The following POLR3A variants were observed in gnomAD, a reference collection of about 807,000 sequenced individuals.
POLR3A encodes DNA-directed RNA polymerase III subunit RPC1.
Under a neutral mutation model 152.8 loss-of-function variants are expected in POLR3A, and 112 were observed. The observed-to-expected ratio is 0.73, with a 90% CI of 0.63 to 0.86. The LOEUF is 0.86. Among genes scored for constraint, POLR3A ranks in the 40% least tolerant of loss-of-function variants. The probability of loss-of-function intolerance (pLI) is 0.00; values close to 1 mark genes in which losing one functional copy is unlikely to be tolerated. For missense variants in POLR3A, 1,385 were observed against 1,743.1 expected (o/e 0.79, Z 3.66); for synonymous variants, 615 against 652.1 (o/e 0.94, Z 0.87).
chr10:77,977,390 C>T lies in POLR3A; in HGVS notation c.*88G>A. 1 of 1,429,078 alleles carries T rather than the reference C, an allele frequency of 7.0e-7. No homozygotes were observed. The highest frequency in any genetic ancestry group is 9.9e-7 in the Non-Finnish European group (1 of 1,013,542). The allele number at this position is 1,429,078 out of a possible 1,614,324, so 88.5% of individuals were successfully genotyped here. A position where few individuals can be genotyped will look rare whatever the true frequency, so the allele number is the denominator to read the frequency against. ...TGGCATAGGTGGGGACCTCAGGACCCCCGTCCCAGGGAGCACAAAACTCTT... is the reference window on the plus strand; with the variant it reads ...TGGCATAGGTGGGGACCTCAGGACCTCCGTCCCAGGGAGCACAAAACTCTT... On this transcript the variant is annotated 3_prime_UTR_variant, in exon 31 of 31. Transcript: ENST00000372371.
In POLR3A at chr10:78,009,581, T is replaced by C. The variant is rs1212337953; in HGVS notation, c.1865A>G (p.Lys622Arg). The C allele has an allele frequency of 7.4e-6, 12 of 1,614,184 alleles. No homozygotes were observed. The highest frequency in any genetic ancestry group is 1.1e-5 in the South Asian group (1 of 91,088). ...ATCTTCCCCTTTGCCACAGTACTGCTTGCCCTTGGTTCGCAGGTTGGCCCT... is the reference window on the plus strand; with the variant it reads ...ATCTTCCCCTTTGCCACAGTACTGCCTGCCCTTGGTTCGCAGGTTGGCCCT... The part of the protein sequence containing the change: ...PVRANLRTKG[K>R]QYCGKGEDLC... Residue 622 changes from lysine (K) to arginine (R), a missense_variant, in exon 14 of 31, where the codon AAG (lysine) becomes AGG (arginine). By Grantham distance (26) the Lys-to-Arg change is conservative. Transcript: ENST00000372371.
intron 10 of POLR3A, among the ~76,000 whole-genome samples, chr10:78,015,453 A>C (rs1847513822): frequency 6.6e-6 from 1 of 150,566 alleles, no homozygotes. Flanking sequence ...TCAGCCTCCC[A>C]AGTAGCTGGG....
At chr10:78,026,527 G>A (rs963585964) in intron 1 of POLR3A, among the ~76,000 whole-genome samples, 1 of 152,172 alleles carries the variant, frequency 6.6e-6, no homozygotes, top group African/African-American at 2.4e-5. Flanking sequence ...AGCACTGGCA[G>A]CACCCTGCCC....
intron 15 of POLR3A, 61 bp from the exon 16 acceptor site, chr10:78,004,949 T>C (rs1847396578): frequency 7.8e-7 from 1 of 1,280,282 alleles, no homozygotes; most frequent in Non-Finnish European, 1.1e-6. Context: ...ACCTACTAAA[T>C]ACAGTTTATG....
intron 10 of POLR3A, among the ~76,000 whole-genome samples, chr10:78,016,029 G>C (rs1023860933): frequency 6.6e-6 from 1 of 152,116 alleles, no homozygotes; most frequent in African/African-American, 2.4e-5. Context: ...ACCATAAGAG[G>C]CTGCTTAAAC....
Position 78,013,747 on chromosome 10 carries a change from A to G in POLR3A, c.1475T>C (p.Val492Ala), listed in dbSNP as rs758434591. 25 of 1,614,154 alleles carry G rather than the reference A, an allele frequency of 1.5e-5. No homozygotes were observed. In the South Asian group the frequency reaches 2.3e-4, roughly 15 times the overall value. ...PHRTFRFNEC[V>A]CTPYNADFDG... ...AAAGTCAGCATTATAGGGTGTACAGACACACTCATTAAATCTGAAGGTCCG... is the reference window on the plus strand; with the variant it reads ...AAAGTCAGCATTATAGGGTGTACAGGCACACTCATTAAATCTGAAGGTCCG... The change falls in exon 11 of 31, where the codon GTC becomes GCC. Residue 492 changes from valine (V) to alanine (A), a missense_variant. Around this residue, in one of 7 missense-constraint regions of POLR3A, gnomAD observed 493 missense variants for 647.5 expected, o/e 0.76. Coordinates refer to ENST00000372371, the MANE Select transcript of POLR3A (RefSeq NM_007055.4).
intron 8 of POLR3A, 36 bp from the exon 9 acceptor site, chr10:78,019,301 G>C (rs1847555273): frequency 1.5e-6 from 2 of 1,299,526 alleles, no homozygotes; most frequent in South Asian, 2.4e-5. Context: ...GTTACTCCCA[G>C]GTAACTAGAA....
intron 23 of POLR3A, 104 bp downstream of exon 23, chr10:77,985,799 A>G: frequency 2.4e-6 from 2 of 843,128 alleles, no homozygotes; most frequent in Non-Finnish European, 4.1e-6. Context: ...AAATACTGGC[A>G]GTTAACAAGT....
Position 77,985,172 on chromosome 10 carries a change from G to A in POLR3A, c.3240C>T (p.Ile1080=). ...IKEIINASKA[I]STPIITAQLD... is the part of the protein sequence containing the mutation. ...AAGAAGGAAATGAAAGCAGGCACCT[G>A]ATGGCCTTGGAAGCGTTGATGATCT... is the stretch of plus-strand genomic sequence containing the variant. The change falls in exon 24 of 31, where the codon ATC becomes ATT. Residue 1080 remains isoleucine, a splice_region_variant and synonymous_variant. Transcript: ENST00000372371. The A allele has an allele frequency of 6.2e-7, 1 of 1,613,484 alleles. No individual in the cohort carries two copies.
intron 20 of POLR3A, 100 bp from the exon 21 acceptor site, chr10:77,991,267 G>T (rs1847245798): frequency 2.7e-6 from 2 of 746,296 alleles, no homozygotes; most frequent in South Asian, 2.9e-5. Flanking sequence ...CTTACCCAAG[G>T]TGAGCTTTTA....
chr10:78,009,469 G>A lies in POLR3A; in HGVS notation c.1909+68C>T. 6.8e-6 allele frequency: 11 copies of A among 1,606,560 alleles called. No individual in the cohort carries two copies. In the Admixed American group the frequency reaches 1.8e-4, roughly 27 times the overall value. On this transcript the variant is annotated intron_variant, in intron 14 of 30. Coordinates refer to ENST00000372371, the MANE Select transcript of POLR3A (RefSeq NM_007055.4). The stretch of plus-strand genomic sequence containing the variant: ...CTTGCTTCGCGAAGGTACCAGCAAA[G>A]CTGATGACCAGCCACTTGCTTTTCT...
intron 2 of POLR3A, 120 bp downstream of exon 2, chr10:78,025,974 A>G: frequency 7.6e-7 from 1 of 1,318,074 alleles, no homozygotes; most frequent in Non-Finnish European, 1.1e-6. Flanking sequence ...GACCTAGTCT[A>G]ATATGTGCAG....
At chr10:78,024,508 C>T (rs202030953) in intron 5 of POLR3A, 41 bp downstream of exon 5, 101 of 1,604,950 alleles carry the variant, frequency 6.3e-5, no homozygotes, top group South Asian at 1.0e-4. Flanking sequence ...AAGAGGCAGG[C>T]GGGAGGCAGG....
chr10:78,019,497 T>C, intron 8 of POLR3A: 2 of 567,438 alleles, frequency 3.5e-6, no homozygotes, highest in Admixed American at 3.0e-5. Flanking sequence ...ACATGGCCAA[T>C]TCCTTTCCTG....
intron 17 of POLR3A, among the ~76,000 whole-genome samples, chr10:78,001,723 C>A (rs1847359045): frequency 2.6e-5 from 4 of 152,216 alleles, no homozygotes; most frequent in Non-Finnish European, 1.5e-5. Flanking sequence ...ACCTGCCTGA[C>A]CTGCTGGGCT....
intron 11 of POLR3A, among the ~76,000 whole-genome samples, chr10:78,011,230 C>T (rs952893675): frequency 2.0e-5 from 3 of 152,112 alleles, no homozygotes; most frequent in Non-Finnish European, 4.4e-5. Context: ...TGAAGTCAAC[C>T]AATTCCACAC....
chr10:77,997,616 T>A lies in POLR3A; in HGVS notation c.2616+2365A>T, dbSNP rs1847313722. Among the ~76,000 whole-genome samples, 3 of 152,114 alleles carry A rather than the reference T, an allele frequency of 2.0e-5. No individual in the cohort carries two copies. The South Asian group carries it at 6.2e-4, about 32-fold the overall frequency. On this transcript the variant is annotated intron_variant, in intron 19 of 30. Transcript: ENST00000372371. ...CTTACAAGGGATGTGAAGGACCTCTTCAAGGAGAACTAAAAACCACTGCTC... is the reference window on the plus strand; with the variant it reads ...CTTACAAGGGATGTGAAGGACCTCTACAAGGAGAACTAAAAACCACTGCTC...
intron 21 of POLR3A, 28 bp from the exon 22 acceptor site, chr10:77,986,187 T>A (rs1847196806): frequency 1.9e-6 from 2 of 1,078,448 alleles, no homozygotes; most frequent in South Asian, 2.5e-5. Context: ...AAACATCATT[T>A]GTAAGTTTCA....
chr10:78,002,390 A>C, intron 16 of POLR3A, 82 bp from the exon 17 acceptor site: 2 of 969,906 alleles, frequency 2.1e-6, no homozygotes, highest in Non-Finnish European at 3.2e-6. Context: ...CATTTAAAGA[A>C]ATTTGAAAAT....
Sources: gnomAD v4.1 joint callset for allele counts (sites outside exome capture counted in the v4.1 genomes callset) on GRCh38, gnomAD v4.1.1 for gene constraint, gnomAD v4.1.1 regional missense constraint, MANE v1.5 for transcripts, NCBI Gene and HGNC (gene_info 2026-07-23, HGNC 2026-07-21) for gene names.